The following TTC23L variants were observed in gnomAD, a reference collection of about 807,000 sequenced individuals.
The protein encoded by TTC23L is tetratricopeptide repeat protein 23-like.
A neutral mutation model predicts 48.1 loss-of-function variants in TTC23L; 42 were observed. The ratio of observed to expected loss-of-function variants is 0.87; its 90% CI spans 0.68 to 1.13. The LOEUF (loss-of-function observed/expected upper bound fraction) is 1.13. TTC23L is among the 50% of genes most tolerant of loss of function. The pLI is 0.00. For synonymous variants in TTC23L, 159 were observed against 157.2 expected, an observed-to-expected ratio of 1.01 and a Z score of -0.09; for missense variants, 391 against 421.0, an observed-to-expected ratio of 0.93 and a Z score of 0.62.
chr5:34,850,179 C>A lies in TTC23L; in HGVS notation c.256-6C>A, dbSNP rs1484501536. 1.1e-5 allele frequency: 18 copies of A among 1,613,646 alleles called. No individual in the cohort carries two copies. The highest frequency in any genetic ancestry group is 1.4e-5 in the Non-Finnish European group (16 of 1,179,638). ...CAAAAAGTATAATCACTTCTGTACT[C>A]TACAGAATACTCAAGCAAACAAGGA... On this transcript the variant is annotated splice_region_variant and splice_polypyrimidine_tract_variant and intron_variant, in intron 3 of 10. Transcript: ENST00000505624.
the TTC23L span, chr5:34,915,845 C>T: frequency 6.4e-7 from 1 of 1,567,962 alleles, no homozygotes; most frequent in Admixed American, 1.9e-5. Context: ...CACGCCACAG[C>T]AGAGGAGGTG....
chr5:34,925,584 C>G, the TTC23L span: 1 of 1,105,616 alleles, frequency 9.0e-7, no homozygotes, highest in Non-Finnish European at 1.3e-6. Context: ...TACTATCTTA[C>G]GTCTAATTAG....
At chr5:34,842,375 G>A (rs991279150) in intron 2 of TTC23L, among the ~76,000 whole-genome samples, 1 of 150,956 alleles carries the variant, frequency 6.6e-6, no homozygotes, top group South Asian at 2.1e-4. Context: ...ACAGAGTTGT[G>A]GAGCACCAGA....
intron 9 of TTC23L, chr5:34,880,697 G>A: frequency 2.6e-6 from 1 of 381,364 alleles, no homozygotes; most frequent in Non-Finnish European, 5.0e-6. Context: ...GTAGTGCAGT[G>A]GGGCGATCTC....
chr5:34,880,373 A>G (rs1762142658), intron 9 of TTC23L, 65 bp downstream of exon 9: 2 of 1,490,770 alleles, frequency 1.3e-6, no homozygotes, highest in Non-Finnish European at 1.8e-6. Context: ...AGCATTTTTC[A>G]TCTTACAATT....
At chr5:34,925,667 A>G in the TTC23L span, 11 of 561,340 alleles carry the variant, frequency 2.0e-5, no homozygotes, top group Non-Finnish European at 3.2e-5. Context: ...AAATATCACC[A>G]GAATTCATCA....
chr5:34,880,562 A>C, intron 9 of TTC23L: 1 of 464,818 alleles, frequency 2.2e-6, no homozygotes, highest in East Asian at 4.7e-5. Context: ...GTAGGCTCAA[A>C]GTATTTTAGA....
At chr5:34,879,416 A>G (rs1189356606) in intron 8 of TTC23L, among the ~76,000 whole-genome samples, 1 of 152,182 alleles carries the variant, frequency 6.6e-6, no homozygotes, top group Non-Finnish European at 1.5e-5. Flanking sequence ...AAGACACAAC[A>G]TTAAAATTAA....
chr5:34,882,081 A>G (rs991718484), intron 9 of TTC23L, among the ~76,000 whole-genome samples: 6 of 152,190 alleles, frequency 3.9e-5, no homozygotes, highest in Non-Finnish European at 7.3e-5. Context: ...TGAGATCCCA[A>G]TGCCATGGGT....
downstream of TTC23L, among the ~76,000 whole-genome samples, chr5:34,900,620 G>A (rs1025054098): frequency 3.3e-5 from 5 of 152,178 alleles, no homozygotes; most frequent in African/African-American, 1.2e-4. Flanking sequence ...GGCATCCACA[G>A]CCACAGACCT....
At chr5:34,861,971 G>A (rs1760698573) in intron 4 of TTC23L, among the ~76,000 whole-genome samples, 2 of 152,156 alleles carry the variant, frequency 1.3e-5, no homozygotes, top group South Asian at 4.1e-4. Flanking sequence ...GATGTGGCTG[G>A]AAAGGGGGAT....
At chr5:34,859,108 G>A (rs1419663590) in intron 4 of TTC23L, among the ~76,000 whole-genome samples, 2 of 152,192 alleles carry the variant, frequency 1.3e-5, no homozygotes, top group Non-Finnish European at 2.9e-5. Flanking sequence ...CACAAGCCCA[G>A]AAGGAGTGTC....
At chr5:34,915,697 C>T in the TTC23L span, 1 of 1,550,898 alleles carries the variant, frequency 6.4e-7, no homozygotes, top group African/African-American at 1.4e-5. Context: ...GAGCGAGCGG[C>T]AGCGCCGGAA....
At chr5:34,853,338 T>C (rs1484869796) in intron 4 of TTC23L, among the ~76,000 whole-genome samples, 2 of 151,924 alleles carry the variant, frequency 1.3e-5, no homozygotes, top group African/African-American at 4.8e-5. Context: ...GGAGACCAGC[T>C]TGGTCAACAT....
the TTC23L span, among the ~76,000 whole-genome samples, chr5:34,905,063 T>G: frequency 6.6e-6 from 1 of 152,214 alleles, no homozygotes; most frequent in Admixed American, 6.5e-5. Context: ...CGAAAAGCAC[T>G]TGAAACCGCT....
the TTC23L span, chr5:34,925,627 T>A: frequency 1.5e-6 from 1 of 684,028 alleles, no homozygotes; most frequent in African/African-American, 1.8e-5. Flanking sequence ...AATTAAGATC[T>A]TAAAATCAGT....
chr5:34,922,845 T>C, the TTC23L span: 2 of 1,393,712 alleles, frequency 1.4e-6, no homozygotes, highest in South Asian at 1.2e-5. Flanking sequence ...AGTTGTGTTA[T>C]TCAATTTAGT....
intron 6 of TTC23L, 22 bp from the exon 7 acceptor site, chr5:34,866,870 A>C (rs1027501927): frequency 6.4e-7 from 1 of 1,557,330 alleles, no homozygotes; most frequent in East Asian, 2.3e-5. Context: ...GTGACTTTCT[A>C]TTTTCATCCC....
intron 9 of TTC23L, among the ~76,000 whole-genome samples, chr5:34,892,192 T>C (rs560112281): frequency 1.4e-4 from 22 of 152,348 alleles, no homozygotes; most frequent in African/African-American, 5.3e-4. Flanking sequence ...AGTTTTCCGA[T>C]GTACTCTCCT....
Sources: allele counts gnomAD v4.1 joint callset (sites outside exome capture counted in the v4.1 genomes callset), GRCh38; gene constraint gnomAD v4.1.1; transcripts MANE v1.5; gene names NCBI Gene and HGNC (gene_info 2026-07-23, HGNC 2026-07-21).